The following DNAH8 variants were observed in gnomAD, a reference collection of about 807,000 sequenced individuals.
DNAH8 encodes the protein dynein axonemal heavy chain 8.
DNAH8 carries 382 observed loss-of-function variants against 562.1 expected under a neutral mutation model. That is an observed-to-expected ratio of 0.68 (90% CI 0.63 to 0.74). The LOEUF is 0.74. Among genes scored for constraint, DNAH8 ranks in the 30% least tolerant of loss-of-function variants. DNAH8 has a pLI of 0.00. For synonymous variants in DNAH8, 1,881 were observed against 1,919.4 expected, an observed-to-expected ratio of 0.98 and a Z score of 0.52; for missense variants, 5,203 against 5,620.4, an observed-to-expected ratio of 0.93 and a Z score of 2.37.
At chr6:39,016,178 A>G (rs1766552676) in intron 91 of DNAH8, among the ~76,000 whole-genome samples, 1 of 152,140 alleles carries the variant, frequency 6.6e-6, no homozygotes, top group African/African-American at 2.4e-5. Flanking sequence ...CCTGGGTTTT[A>G]TGTCCTCTAA....
rs1019876498 is a variant in DNAH8 at position 38,838,057 on chromosome 6, T to C, written c.4466+15T>C. On this transcript the variant is annotated intron_variant, in intron 33 of 92. Transcript: ENST00000327475. ...CACAAAACCAGGTAAGTTTAGAAAATAAGCAAGTATTACATGCAAATAATT... is the reference window on the plus strand; with the variant it reads ...CACAAAACCAGGTAAGTTTAGAAAACAAGCAAGTATTACATGCAAATAATT... The C allele has an allele frequency of 1.3e-6, 2 of 1,506,904 alleles. No individual in the cohort carries two copies. Among genetic ancestry groups the C allele is most frequent in the African/African-American group, 2.8e-5 (2 of 72,046 alleles). The allele number at this position is 1,506,904 out of a possible 1,614,324, so 93.3% of individuals were successfully genotyped here.
At position 38,733,907 on chromosome 6, in the gene DNAH8, AG is replaced by A. The variant is rs1229277244; in HGVS notation, c.611-566del. On this transcript the variant is annotated intron_variant, in intron 4 of 92. Transcript: ENST00000327475. ...GCCTGGGAGACAGAGCTAAAAAAAA[AG>A]ACTCCATCTAAAAAGAAAAAGAAAA... 4.0e-5 allele frequency among the ~76,000 whole-genome samples: 6 copies of A among 151,338 alleles called. No homozygotes were observed. In the East Asian group the frequency reaches 9.8e-4, roughly 25 times the overall value.
intron 12 of DNAH8, 49 bp downstream of exon 12, chr6:38,770,608 G>C (rs759607481): frequency 6.7e-7 from 1 of 1,493,924 alleles, no homozygotes; most frequent in South Asian, 1.5e-5. Context: ...CACCTTTTTG[G>C]TGATTTTGTA....
rs1332017 is a variant in DNAH8 at position 39,010,427 on chromosome 6, A to T, written c.13371+1457A>T. Among the ~76,000 whole-genome samples the T allele has an allele frequency of 0.011, 1,743 of 152,210 alleles. 109 individuals carry two copies. In the East Asian group the frequency reaches 0.16, roughly 14 times the overall value. ...GCTATATAAGGCTACAGCAAGTCTT[A>T]AATTTTATTAATAAAAAGACAATTT... is the stretch of plus-strand genomic sequence containing the variant. On this transcript the variant is annotated intron_variant, in intron 89 of 92. Coordinates refer to ENST00000327475, the MANE Select transcript of DNAH8 (RefSeq NM_001206927.2).
rs543628812 is a variant in DNAH8 at position 38,727,615 on chromosome 6, G to A, written c.526-2287G>A. 2.6e-3 allele frequency among the ~76,000 whole-genome samples: 393 copies of A among 152,348 alleles called. 4 individuals are homozygous for A. The highest frequency in any genetic ancestry group is 9.2e-3 in the African/African-American group (382 of 41,584). On this transcript the variant is annotated intron_variant, in intron 3 of 92. Coordinates refer to ENST00000327475, the MANE Select transcript of DNAH8 (RefSeq NM_001206927.2). Reference sequence around the variant, plus strand: ...TCCCATTGTTGCTGCTAGTGCTGCAGCTTCTCTTAATCCTCCTCTGGCCTC... The same window carrying A: ...TCCCATTGTTGCTGCTAGTGCTGCAACTTCTCTTAATCCTCCTCTGGCCTC...
intron 78 of DNAH8, 150 bp downstream of exon 78, chr6:38,938,376 G>T: frequency 1.1e-6 from 1 of 902,816 alleles, no homozygotes; most frequent in Middle Eastern, 2.4e-4. Flanking sequence ...TAAAGAAAAG[G>T]TGGTACATAT....
Position 38,832,303 on chromosome 6 carries a change from A to G in DNAH8, c.4189-19A>G. The stretch of plus-strand genomic sequence containing the variant: ...TATGTTACTTTCACTCTCAGGTTGA[A>G]TATTCTTTTTTATTGTAGGTTTCAG... On this transcript the variant is annotated intron_variant, in intron 30 of 92. Transcript: ENST00000327475. 6.7e-7 allele frequency: 1 copy of G among 1,496,904 alleles called. No individual in the cohort carries two copies. The highest frequency in any genetic ancestry group is 9.3e-7 in the Non-Finnish European group (1 of 1,077,048). 92.7% of individuals were successfully genotyped at this position (1,496,904 alleles called of 1,614,324 possible). A position where few individuals can be genotyped will look rare whatever the true frequency, so the allele number is the denominator to read the frequency against.
intron 48 of DNAH8, 115 bp downstream of exon 48, chr6:38,868,311 A>G (rs1465833690): frequency 8.8e-6 from 9 of 1,028,238 alleles, no homozygotes; most frequent in Non-Finnish European, 1.3e-5. Context: ...TACAGGGATA[A>G]TAAGTGTGCA....
At chr6:38,949,394 G>A in intron 80 of DNAH8, 58 bp from the exon 81 acceptor site, 1 of 1,056,180 alleles carries the variant, frequency 9.5e-7, no homozygotes, top group Non-Finnish European at 1.5e-6. Flanking sequence ...AGAATCCTTT[G>A]TAATATATTC....
chr6:38,911,015 C>A (rs890539880), intron 65 of DNAH8, among the ~76,000 whole-genome samples: 13 of 152,268 alleles, frequency 8.5e-5, no homozygotes, highest in Non-Finnish European at 1.2e-4. Flanking sequence ...TGTAAACCCA[C>A]CCAGCTGGTA....
intron 75 of DNAH8, 144 bp from the exon 76 acceptor site, chr6:38,931,667 G>T: frequency 2.1e-6 from 1 of 481,566 alleles, no homozygotes; most frequent in Non-Finnish European, 3.7e-6. Flanking sequence ...TATTATTTAA[G>T]ATCAGTGATT....
intron 58 of DNAH8, among the ~76,000 whole-genome samples, chr6:38,891,573 G>C (rs1015318255): frequency 2.7e-4 from 41 of 152,210 alleles, no homozygotes; most frequent in African/African-American, 7.7e-4. Context: ...CTTATGAGAT[G>C]CTCTTCCATG....
chr6:38,897,147 G>A (rs988956714), intron 60 of DNAH8, among the ~76,000 whole-genome samples: 2 of 152,002 alleles, frequency 1.3e-5, no homozygotes, highest in African/African-American at 2.4e-5. Context: ...TGACAGGCGT[G>A]AGCCACCATG....
chr6:38,995,643 T>G (rs1158006000), intron 88 of DNAH8, among the ~76,000 whole-genome samples: 1 of 152,234 alleles, frequency 6.6e-6, no homozygotes, highest in East Asian at 1.9e-4. Flanking sequence ...CACAAAGACA[T>G]GCAAACTAGT....
At position 38,785,642 on chromosome 6, in the gene DNAH8, C is replaced by G. The variant is rs146622625; in HGVS notation, c.2396-1123C>G. 2.9e-3 allele frequency among the ~76,000 whole-genome samples: 445 copies of G among 152,168 alleles called. 3 individuals are homozygous for G. Among genetic ancestry groups the G allele is most frequent in the African/African-American group, 0.01 (429 of 41,510 alleles). ...TACTTTCCCTCCCCTTGCTCCCCACCCCCCGACAGGCCCTGGTGTGTGCCG... is the reference window on the plus strand; with the variant it reads ...TACTTTCCCTCCCCTTGCTCCCCACGCCCCGACAGGCCCTGGTGTGTGCCG... On this transcript the variant is annotated intron_variant, in intron 17 of 92. Transcript: ENST00000327475.
chr6:38,809,202 T>C (rs1373779708), intron 24 of DNAH8, among the ~76,000 whole-genome samples: 1 of 152,162 alleles, frequency 6.6e-6, no homozygotes, highest in East Asian at 1.9e-4. Flanking sequence ...ATATAACAAA[T>C]GTCTTTTGTC....
chr6:38,747,929 G>A (rs1765098711), intron 8 of DNAH8, among the ~76,000 whole-genome samples: 1 of 152,138 alleles, frequency 6.6e-6, no homozygotes, highest in Non-Finnish European at 1.5e-5. Context: ...TTATTTGTGA[G>A]AATTCATCAT....
intron 35 of DNAH8, among the ~76,000 whole-genome samples, chr6:38,844,892 G>A (rs920612054): frequency 6.6e-6 from 1 of 152,010 alleles, no homozygotes; most frequent in African/African-American, 2.4e-5. Context: ...AAATCACCAT[G>A]GTTCACATCA....
At chr6:38,950,803 T>C (rs991928877) in intron 81 of DNAH8, among the ~76,000 whole-genome samples, 2 of 151,892 alleles carry the variant, frequency 1.3e-5, no homozygotes, top group African/African-American at 4.8e-5. Flanking sequence ...AAAAATTAGA[T>C]CTATGTCAAA....
Sources: gnomAD v4.1 joint callset for allele counts (sites outside exome capture counted in the v4.1 genomes callset) on GRCh38, gnomAD v4.1.1 for gene constraint, MANE v1.5 for transcripts, NCBI Gene and HGNC (gene_info 2026-07-23, HGNC 2026-07-21) for gene names.